Variants in GALNT14 observed in about 807,000 individuals in gnomAD.
GALNT14 encodes the protein polypeptide N-acetylgalactosaminyltransferase 14.
In GALNT14, 60 loss-of-function variants were observed where a neutral mutation model predicts 77.5. The observed-to-expected ratio is 0.77, with a 90% CI of 0.63 to 0.96. GALNT14 has a LOEUF of 0.96. Among genes scored for constraint, GALNT14 ranks in the 40% least tolerant of loss-of-function variants. The pLI, the probability that GALNT14 is intolerant of heterozygous loss-of-function variation, is 0.00. For synonymous variants in GALNT14, 280 were observed against 281.7 expected (o/e 0.99, Z 0.06); for missense variants, 710 against 731.0 (o/e 0.97, Z 0.33).
intron 1 of GALNT14, among the ~76,000 whole-genome samples, chr2:31,127,389 T>G (rs944103189): frequency 1.3e-5 from 2 of 152,224 alleles, no homozygotes; most frequent in African/African-American, 2.4e-5. Flanking sequence ...AGAAGAATAC[T>G]TCATGCGATG....
intron 1 of GALNT14, among the ~76,000 whole-genome samples, chr2:31,082,752 G>C (rs1030578392): frequency 6.6e-6 from 1 of 152,170 alleles, no homozygotes; most frequent in African/African-American, 2.4e-5. Context: ...GGGCACGGTG[G>C]CTCACACCTA....
the GALNT14 span, among the ~76,000 whole-genome samples, chr2:30,890,872 G>A: frequency 1.3e-5 from 2 of 152,226 alleles, no homozygotes; most frequent in East Asian, 3.9e-4. Flanking sequence ...GGACTTGAGT[G>A]CATGGGTAGT....
At chr2:31,129,885 G>A (rs1160116315) in intron 1 of GALNT14, among the ~76,000 whole-genome samples, 3 of 152,224 alleles carry the variant, frequency 2.0e-5, no homozygotes, top group Non-Finnish European at 4.4e-5. Flanking sequence ...CGTCAAGAGA[G>A]AGTGGCCCTA....
intron 5 of GALNT14, 29 bp downstream of exon 5, chr2:30,955,883 G>T: frequency 6.2e-7 from 1 of 1,613,356 alleles, no homozygotes; most frequent in Non-Finnish European, 8.5e-7. Context: ...ACTCACACTG[G>T]AGGCTCCCGC....
intron 1 of GALNT14, among the ~76,000 whole-genome samples, chr2:31,083,342 G>A (rs1175357428): frequency 6.6e-6 from 1 of 152,204 alleles, no homozygotes; most frequent in Non-Finnish European, 1.5e-5. Flanking sequence ...CTGAGTTTTT[G>A]TTGTATGAGG....
At chr2:30,963,370 C>A (rs1667807609) in intron 3 of GALNT14, among the ~76,000 whole-genome samples, 2 of 152,226 alleles carry the variant, frequency 1.3e-5, no homozygotes, top group African/African-American at 4.8e-5. Flanking sequence ...GAGGCTCCAA[C>A]TGGAGTGAGA....
At chr2:30,926,596 CT>C (rs1317583830) in intron 11 of GALNT14, among the ~76,000 whole-genome samples, 2 of 152,104 alleles carry the variant, frequency 1.3e-5, no homozygotes, top group African/African-American at 4.8e-5. Context: ...TAAGAAGAGG[CT>C]TTTTAACGGA....
chr2:31,031,224 G>T (rs1228838664), intron 1 of GALNT14, among the ~76,000 whole-genome samples: 2 of 152,070 alleles, frequency 1.3e-5, no homozygotes, highest in Admixed American at 1.3e-4. Flanking sequence ...AATGTCTTAG[G>T]AGTCCTGTCA....
In GALNT14 at chr2:30,995,140, G is replaced by A. The variant is rs1345651875; in HGVS notation, c.130-2133C>T. Among the ~76,000 whole-genome samples the A allele has an allele frequency of 8.6e-5, 5 of 58,146 alleles. No homozygotes were observed. The East Asian group carries it at 2.1e-3, about 25-fold the overall frequency. 38.1% of individuals were successfully genotyped at this position (58,146 alleles called of 152,430 possible). A position where few individuals can be genotyped will look rare whatever the true frequency, so the allele number is the denominator to read the frequency against. On this transcript the variant is annotated intron_variant, in intron 1 of 14. Transcript: ENST00000349752. Reference sequence around the variant, plus strand: ...CAAGCAGAACCAATGTTGTGTGTGTGTGTGTGTGTGTGTGTGTGTGTGTGT... The same window carrying A: ...CAAGCAGAACCAATGTTGTGTGTGTATGTGTGTGTGTGTGTGTGTGTGTGT...
At chr2:30,972,480 C>T (rs58291167) in intron 2 of GALNT14, among the ~76,000 whole-genome samples, 3,539 of 152,298 alleles carry the variant, frequency 0.023, 139 homozygotes, top group East Asian at 0.21. Flanking sequence ...GCAGGCACCA[C>T]GCAGAGCACC....
intron 1 of GALNT14, among the ~76,000 whole-genome samples, chr2:31,018,019 C>T (rs1032146950): frequency 6.5e-4 from 99 of 152,216 alleles, no homozygotes; most frequent in African/African-American, 2.3e-3. Context: ...ACTCATTTCC[C>T]GAGTACGGTC....
At chr2:30,941,907 G>A (rs1349388952) in intron 9 of GALNT14, among the ~76,000 whole-genome samples, 1 of 152,176 alleles carries the variant, frequency 6.6e-6, no homozygotes, top group South Asian at 2.1e-4. Context: ...CTTCCTGGCT[G>A]TTGCATCTCA....
intron 1 of GALNT14, among the ~76,000 whole-genome samples, chr2:31,073,975 A>G (rs1466837797): frequency 6.6e-6 from 1 of 152,188 alleles, no homozygotes; most frequent in East Asian, 1.9e-4. Flanking sequence ...GTCTACCTGT[A>G]TATTTATTTG....
intron 13 of GALNT14, among the ~76,000 whole-genome samples, chr2:30,914,364 C>T (rs1336139330): frequency 6.6e-6 from 1 of 152,110 alleles, no homozygotes; most frequent in Non-Finnish European, 1.5e-5. Context: ...GACACCTGCC[C>T]CTGAGATTCT....
chr2:30,988,694 AGGCTGAT>A, intron 2 of GALNT14, among the ~76,000 whole-genome samples: 1 of 152,184 alleles, frequency 6.6e-6, no homozygotes, highest in Admixed American at 6.5e-5. Flanking sequence ...CCACAGGTAC[AGGCTGAT>A]GCTCTGTGGT....
chr2:30,942,584 T>A (rs1295752230), intron 8 of GALNT14, among the ~76,000 whole-genome samples: 1 of 152,180 alleles, frequency 6.6e-6, no homozygotes, highest in Non-Finnish European at 1.5e-5. Flanking sequence ...ATATCTCCCA[T>A]GGGGACACAG....
At chr2:30,979,931 C>A (rs898989821) in intron 2 of GALNT14, among the ~76,000 whole-genome samples, 1 of 152,230 alleles carries the variant, frequency 6.6e-6, no homozygotes, top group Non-Finnish European at 1.5e-5. Context: ...AAATCACTCC[C>A]TCTGCTGGCC....
At chr2:30,985,698 C>CACTT (rs1669256904) in intron 2 of GALNT14, among the ~76,000 whole-genome samples, 1 of 152,160 alleles carries the variant, frequency 6.6e-6, no homozygotes, top group African/African-American at 2.4e-5. Flanking sequence ...GGAGTGAAGG[C>CACTT]ACTTAGGCCC....
intron 1 of GALNT14, among the ~76,000 whole-genome samples, chr2:31,079,364 CTA>C (rs1170288419): frequency 6.6e-6 from 1 of 152,110 alleles, no homozygotes; most frequent in Non-Finnish European, 1.5e-5. Flanking sequence ...GAGTTCTGAG[CTA>C]AGAAATCTGG....
Sources: allele counts gnomAD v4.1 joint callset (sites outside exome capture counted in the v4.1 genomes callset), GRCh38; gene constraint gnomAD v4.1.1; transcripts MANE v1.5; gene names NCBI Gene and HGNC (gene_info 2026-07-23, HGNC 2026-07-21).